CDK6: variants seen among roughly 807,000 people sequenced by gnomAD.
The protein encoded by CDK6 is cyclin dependent kinase 6, also known as cyclin-dependent kinase 6.
A neutral mutation model predicts 37.1 loss-of-function variants in CDK6; 6 were observed. That is an observed-to-expected ratio of 0.16 (90% CI 0.09 to 0.32). CDK6 has a LOEUF of 0.32. Ranked by LOEUF, CDK6 falls within the 10% of genes least tolerant of loss-of-function variation. The pLI is 1.00. For synonymous variants in CDK6, 160 were observed against 161.3 expected, an observed-to-expected ratio of 0.99 and a Z score of 0.06; for missense variants, 224 against 418.9, an observed-to-expected ratio of 0.53 and a Z score of 4.06.
In CDK6 at chr7:92,761,300, C is replaced by T. The variant is rs1455479831; in HGVS notation, c.369+13396G>A. Reference sequence around the variant, plus strand: ...AAATTAATAATAGCTCTCTCCTACACACATATCTTTTGAAACTATAAAGTA... The same window carrying T: ...AAATTAATAATAGCTCTCTCCTACATACATATCTTTTGAAACTATAAAGTA... On this transcript the variant is annotated intron_variant, in intron 3 of 7. Transcript: ENST00000424848. Among the ~76,000 whole-genome samples the T allele has an allele frequency of 2.0e-5, 3 of 152,098 alleles. No homozygotes were observed. The East Asian group carries it at 5.8e-4, about 29-fold the overall frequency.
intron 4 of CDK6, among the ~76,000 whole-genome samples, chr7:92,724,735 T>A (rs145912635): frequency 4.1e-4 from 63 of 152,340 alleles, no homozygotes; most frequent in African/African-American, 1.4e-3. Context: ...TATTTTTTTT[T>A]ATTTCTTTGA....
chr7:92,781,147 C>T (rs981144541), intron 2 of CDK6, among the ~76,000 whole-genome samples: 1 of 152,182 alleles, frequency 6.6e-6, no homozygotes, highest in Non-Finnish European at 1.5e-5. Flanking sequence ...AAGGCTATGC[C>T]TTCAGTTTAG....
At chr7:92,749,149 A>C (rs1013856879) in intron 3 of CDK6, among the ~76,000 whole-genome samples, 2 of 150,454 alleles carry the variant, frequency 1.3e-5, no homozygotes, top group African/African-American at 4.9e-5. Context: ...TGGTGAGCTG[A>C]GATCACACCA....
intron 3 of CDK6, among the ~76,000 whole-genome samples, chr7:92,752,710 T>TCA (rs1189693603): frequency 1.6e-4 from 24 of 152,216 alleles, no homozygotes; most frequent in Admixed American, 1.6e-3. Context: ...ACCAAAGCAG[T>TCA]TCATCATGAT....
chr7:92,742,485 C>T (rs1232988306), intron 3 of CDK6, among the ~76,000 whole-genome samples: 1 of 152,250 alleles, frequency 6.6e-6, no homozygotes, highest in African/African-American at 2.4e-5. Context: ...CTCACCAGTG[C>T]TATCTGGTGT....
chr7:92,653,105 G>T (rs1562925523), intron 5 of CDK6, among the ~76,000 whole-genome samples: 2 of 152,246 alleles, frequency 1.3e-5, no homozygotes, highest in African/African-American at 2.4e-5. Flanking sequence ...TAATAGAAAC[G>T]TATTTTATCC....
chr7:92,732,993 T>C (rs1414442615), intron 3 of CDK6, among the ~76,000 whole-genome samples: 1 of 152,244 alleles, frequency 6.6e-6, no homozygotes, highest in Non-Finnish European at 1.5e-5. Context: ...ATGTATATAA[T>C]AATGCCCTTA....
In CDK6 at chr7:92,711,939, G is replaced by A. The variant is rs560232334; in HGVS notation, c.537+13687C>T. Among the ~76,000 whole-genome samples, 8 of 151,792 alleles carry A rather than the reference G, an allele frequency of 5.3e-5. No individual in the cohort carries two copies. In the East Asian group the frequency reaches 1.4e-3, roughly 26 times the overall value. On this transcript the variant is annotated intron_variant, in intron 4 of 7. Coordinates refer to ENST00000424848, the MANE Select transcript of CDK6 (RefSeq NM_001145306.2). Reference sequence around the variant, plus strand: ...ACAAAAAAACTGAAGAAGGAACCGTGACACTTTGGGAGGCTGAGGCGGGCA... The same window carrying A: ...ACAAAAAAACTGAAGAAGGAACCGTAACACTTTGGGAGGCTGAGGCGGGCA...
intron 2 of CDK6, among the ~76,000 whole-genome samples, chr7:92,790,378 C>T (rs1182525876): frequency 1.3e-5 from 2 of 152,162 alleles, no homozygotes; most frequent in African/African-American, 2.4e-5. Context: ...TCCTGTTTCC[C>T]AAATGCCCTG....
chr7:92,833,024 A>T lies in CDK6; in HGVS notation c.233+67T>A. ...GCCCCGCACCTTTCTGGGCCTGAGGATTCCCGGCTCGGCCCTCCCCGCGCG... is the reference window on the plus strand; with the variant it reads ...GCCCCGCACCTTTCTGGGCCTGAGGTTTCCCGGCTCGGCCCTCCCCGCGCG... On this transcript the variant is annotated intron_variant, in intron 2 of 7. Transcript: ENST00000424848. This position sits in a 1 kb window ranked among gnomAD's most constrained non-coding sequence, Gnocchi z 6.1. 8.6e-7 allele frequency: 1 copy of T among 1,158,082 alleles called. No homozygotes were observed. Among genetic ancestry groups the T allele is most frequent in the Non-Finnish European group, 1.2e-6 (1 of 811,320 alleles). 71.7% of individuals were successfully genotyped at this position (1,158,082 alleles called of 1,614,324 possible). A position where few individuals can be genotyped will look rare whatever the true frequency, so the allele number is the denominator to read the frequency against.
At chr7:92,770,064 A>C (rs1024044144) in intron 3 of CDK6, among the ~76,000 whole-genome samples, 11 of 152,226 alleles carry the variant, frequency 7.2e-5, no homozygotes, top group Admixed American at 3.3e-4. Context: ...TAAAGATGGC[A>C]CTGAACTCCT....
intron 4 of CDK6, among the ~76,000 whole-genome samples, chr7:92,671,845 C>T (rs535012141): frequency 9.2e-5 from 14 of 151,666 alleles, no homozygotes; most frequent in African/African-American, 2.4e-4. Flanking sequence ...TTTCTCCCCC[C>T]CTTTAAGGGC....
chr7:92,722,835 C>T (rs578185029), intron 4 of CDK6, among the ~76,000 whole-genome samples: 3 of 152,272 alleles, frequency 2.0e-5, no homozygotes, highest in African/African-American at 7.2e-5. Context: ...CATCTGCCTT[C>T]GAGGAACTTA....
chr7:92,613,844 A>T lies in CDK6; in HGVS notation c.*1296T>A. On this transcript the variant is annotated 3_prime_UTR_variant, in exon 8 of 8. Transcript: ENST00000424848. ...ACACCAGGTAGAAGGACTGCATTAG[A>T]GAACATATGTGACCCTGTTAGGTTT... 4.3e-6 allele frequency: 1 copy of T among 233,262 alleles called. No individual in the cohort carries two copies. The highest frequency in any genetic ancestry group is 8.5e-6 in the Non-Finnish European group (1 of 118,014). 14.4% of individuals were successfully genotyped at this position (233,262 alleles called of 1,614,324 possible).
At position 92,620,830 on chromosome 7, in the gene CDK6, C is replaced by G. The variant is rs528068409; in HGVS notation, c.698+2206G>C. ...GGCTTAGATAGGAGGATTACTTGAG[C>G]TCGGAAGGCCAAGGCTTCAGTGAGC... On this transcript the variant is annotated intron_variant, in intron 6 of 7. Coordinates refer to ENST00000424848, the MANE Select transcript of CDK6 (RefSeq NM_001145306.2). 2.0e-5 allele frequency among the ~76,000 whole-genome samples: 3 copies of G among 152,236 alleles called. 1 individual carries two copies. In the South Asian group the frequency reaches 6.2e-4, roughly 32 times the overall value.
At chr7:92,793,764 T>A (rs1800337985) in intron 2 of CDK6, among the ~76,000 whole-genome samples, 1 of 151,900 alleles carries the variant, frequency 6.6e-6, no homozygotes, top group Non-Finnish European at 1.5e-5. Context: ...TCATCAAAAT[T>A]AAAAATGTTC....
chr7:92,608,820 A>C lies in CDK6; in HGVS notation c.*6320T>G. ...ACATAATTTCAGGCACCGGCAGGTG[A>C]GTGGGAGGCGGGGCCCCAGCCCGGC... On this transcript the variant is annotated 3_prime_UTR_variant, in exon 8 of 8. Transcript: ENST00000424848. 1 of 232,012 alleles carries C rather than the reference A, an allele frequency of 4.3e-6. No individual in the cohort carries two copies. Among genetic ancestry groups the C allele is most frequent in the Non-Finnish European group, 8.5e-6 (1 of 117,234 alleles). The allele number at this position is 232,012 out of a possible 1,614,324, so 14.4% of individuals were successfully genotyped here. A position where few individuals can be genotyped will look rare whatever the true frequency, so the allele number is the denominator to read the frequency against.
At chr7:92,747,632 T>A (rs532893794) in intron 3 of CDK6, among the ~76,000 whole-genome samples, 1 of 152,300 alleles carries the variant, frequency 6.6e-6, no homozygotes, top group African/African-American at 2.4e-5. Context: ...TCTAAAAAAA[T>A]TGCCACTTTC....
intron 2 of CDK6, among the ~76,000 whole-genome samples, chr7:92,821,366 T>C (rs1801167250): frequency 6.6e-6 from 1 of 152,160 alleles, no homozygotes; most frequent in Non-Finnish European, 1.5e-5. Flanking sequence ...AACAGAGATA[T>C]GCCATTCTCA....
Sources: allele counts gnomAD v4.1 joint callset (sites outside exome capture counted in the v4.1 genomes callset), GRCh38; gene constraint gnomAD v4.1.1; non-coding constraint Gnocchi (gnomAD v3.1); transcripts MANE v1.5; gene names NCBI Gene and HGNC (gene_info 2026-07-23, HGNC 2026-07-21).